Variants in ZNF385D observed in about 807,000 individuals in gnomAD.
The protein encoded by ZNF385D is zinc finger protein 659.
In ZNF385D, 15 loss-of-function variants were observed where a neutral mutation model predicts 35.8. The observed-to-expected ratio is 0.42, with a 90% confidence interval of 0.28 to 0.64. The LOEUF (loss-of-function observed/expected upper bound fraction) is 0.64, where lower values mean the gene tolerates loss of function less well. ZNF385D is among the 30% of genes least tolerant of loss of function. ZNF385D has a pLI of 0.23. For missense variants in ZNF385D, 474 were observed against 494.6 expected, an observed-to-expected ratio of 0.96 and a Z score of 0.39; for synonymous variants, 212 against 186.8, an observed-to-expected ratio of 1.13 and a Z score of -1.10.
At chr3:22,036,852 T>A (rs1698356642) in intron 3 of ZNF385D, among the ~76,000 whole-genome samples, 3 of 123,236 alleles carry the variant, frequency 2.4e-5, no homozygotes, top group Admixed American at 8.4e-5. Context: ...CCTAATGCTA[T>A]CCCTCCCCCC....
chr3:22,242,116 C>A (rs1048348366), intron 2 of ZNF385D, among the ~76,000 whole-genome samples: 12 of 150,800 alleles, frequency 8.0e-5, no homozygotes, highest in Admixed American at 4.6e-4. Context: ...GGGAGATATA[C>A]CTAATGCTAG....
intron 3 of ZNF385D, among the ~76,000 whole-genome samples, chr3:21,904,541 G>C (rs1476427096): frequency 6.6e-6 from 1 of 152,092 alleles, no homozygotes; most frequent in Non-Finnish European, 1.5e-5. Flanking sequence ...AGTTGGCAAA[G>C]TCACGTCATC....
intron 1 of ZNF385D, among the ~76,000 whole-genome samples, chr3:21,702,477 G>T (rs1027890642): frequency 1.3e-5 from 2 of 152,192 alleles, no homozygotes; most frequent in Admixed American, 1.3e-4. Context: ...CTGCTGTGAA[G>T]GTCTCTGACA....
chr3:22,259,148 T>C (rs1039485608), intron 2 of ZNF385D, among the ~76,000 whole-genome samples: 2 of 151,894 alleles, frequency 1.3e-5, no homozygotes, highest in African/African-American at 4.8e-5. Context: ...CATGTATCTC[T>C]CATTTGGAAA....
intron 2 of ZNF385D, among the ~76,000 whole-genome samples, chr3:21,632,487 C>T (rs1357749792): frequency 6.6e-6 from 1 of 152,018 alleles, no homozygotes; most frequent in Non-Finnish European, 1.5e-5. Context: ...ACTTCTCATG[C>T]TGATTTTTGT....
At chr3:22,004,008 G>C (rs923146156) in intron 3 of ZNF385D, among the ~76,000 whole-genome samples, 2 of 151,798 alleles carry the variant, frequency 1.3e-5, no homozygotes, top group Non-Finnish European at 2.9e-5. Flanking sequence ...ATACTATAAA[G>C]TTATAGTAAC....
At chr3:22,044,656 G>A (rs1288317463) in intron 3 of ZNF385D, among the ~76,000 whole-genome samples, 1 of 152,054 alleles carries the variant, frequency 6.6e-6, no homozygotes, top group East Asian at 1.9e-4. Flanking sequence ...GGGATACAGG[G>A]CACAGATTTA....
chr3:21,757,084 G>T (rs1378067699), intron 3 of ZNF385D, among the ~76,000 whole-genome samples: 1 of 144,228 alleles, frequency 6.9e-6, no homozygotes, highest in African/African-American at 2.5e-5. Flanking sequence ...CAAAATTCTA[G>T]ATTTCACTGA....
chr3:21,437,641 C>T (rs940522458), intron 4 of ZNF385D, among the ~76,000 whole-genome samples: 1 of 109,688 alleles, frequency 9.1e-6, no homozygotes, highest in Admixed American at 1.2e-4. Context: ...TTACTTCTGT[C>T]TTTCATTGTT....
chr3:21,988,481 G>A lies in ZNF385D; in HGVS notation c.325+180336C>T, dbSNP rs1169046718. ...GGGGTGCCTCCCAGTTAGGCTGCTC[G>A]GGGGTCAGGGGTCAGGGACCCACTT... On this transcript the variant is annotated intron_variant, in intron 3 of 5. Transcript: ENST00000494108. Among the ~76,000 whole-genome samples, 306 of 140,242 alleles carry A rather than the reference G, an allele frequency of 2.2e-3. 1 individual carries two copies. The highest frequency in any genetic ancestry group is 3.4e-3 in the Non-Finnish European group (212 of 62,534). The allele number at this position is 140,242 out of a possible 152,430, so 92.0% of individuals were successfully genotyped here.
intron 7 of ZNF385D, among the ~76,000 whole-genome samples, chr3:21,422,726 T>C (rs948941218): frequency 6.6e-6 from 1 of 152,062 alleles, no homozygotes; most frequent in African/African-American, 2.4e-5. Context: ...TAAACAGAAC[T>C]AAAGACAAAA....
intron 2 of ZNF385D, among the ~76,000 whole-genome samples, chr3:22,287,127 G>A (rs9847375): frequency 0.15 from 22,093 of 151,826 alleles, 3,404 homozygotes; most frequent in African/African-American, 0.39. Context: ...ATTATATAAT[G>A]GCCTTCTTTT....
chr3:22,059,938 G>T (rs1699607353), intron 3 of ZNF385D, among the ~76,000 whole-genome samples: 2 of 152,202 alleles, frequency 1.3e-5, no homozygotes, highest in African/African-American at 4.8e-5. Context: ...AATCATTGAA[G>T]ATCCAGATAG....
intron 4 of ZNF385D, among the ~76,000 whole-genome samples, chr3:21,448,884 T>C (rs1702295763): frequency 6.6e-6 from 1 of 152,142 alleles, no homozygotes. Context: ...TTTGCCAAAC[T>C]ATGTATTATT....
At chr3:21,971,164 C>T (rs180847308) in intron 3 of ZNF385D, among the ~76,000 whole-genome samples, 264 of 151,964 alleles carry the variant, frequency 1.7e-3, no homozygotes, top group African/African-American at 5.8e-3. Flanking sequence ...ATAGAAAAAA[C>T]ACAATATTAT....
chr3:22,245,787 C>G (rs1378444341), intron 2 of ZNF385D, among the ~76,000 whole-genome samples: 1 of 151,876 alleles, frequency 6.6e-6, no homozygotes, highest in Non-Finnish European at 1.5e-5. Context: ...AATATTTAGT[C>G]CCACCTGTCT....
intron 2 of ZNF385D, among the ~76,000 whole-genome samples, chr3:21,657,450 T>C (rs1350199194): frequency 2.0e-5 from 3 of 151,964 alleles, no homozygotes; most frequent in African/African-American, 7.2e-5. Context: ...GCTACAGGAC[T>C]CAGCAAACAT....
At chr3:22,298,374 A>ATGTGTGTGTG (rs372178423) in intron 2 of ZNF385D, among the ~76,000 whole-genome samples, 7 of 143,804 alleles carry the variant, frequency 4.9e-5, no homozygotes, top group African/African-American at 1.5e-4. Context: ...AGCAGTATGT[A>ATGTGTGTGTG]TGTGTGTGTG....
chr3:21,786,325 C>G (rs761491209), intron 3 of ZNF385D, among the ~76,000 whole-genome samples: 5 of 152,074 alleles, frequency 3.3e-5, no homozygotes, highest in Non-Finnish European at 7.4e-5. Context: ...TGTTTTTGAC[C>G]GTCCCAGTCC....
Sources: allele counts gnomAD v4.1 joint callset (sites outside exome capture counted in the v4.1 genomes callset), GRCh38; gene constraint gnomAD v4.1.1; transcripts MANE v1.5; gene names NCBI Gene and HGNC (gene_info 2026-07-23, HGNC 2026-07-21).